QSER1: variants seen among roughly 807,000 people sequenced by gnomAD.
The protein encoded by QSER1 is glutamine and serine rich 1.
QSER1 carries 49 observed loss-of-function variants against 158.5 expected under a neutral mutation model. The observed-to-expected ratio is 0.31, with a 90% confidence interval of 0.25 to 0.39. QSER1 has a LOEUF of 0.39. Among genes scored for constraint, QSER1 ranks in the 10% least tolerant of loss-of-function variants. QSER1 has a pLI of 1.00. For synonymous variants in QSER1, 650 were observed against 715.5 expected (o/e 0.91, Z 1.46); for missense variants, 1,754 against 2,010.3 (o/e 0.87, Z 2.44).
intron 1 of QSER1, among the ~76,000 whole-genome samples, chr11:32,923,669 C>A (rs1429406342): frequency 1.4e-5 from 1 of 72,582 alleles, no homozygotes; most frequent in Admixed American, 2.0e-4. Flanking sequence ...CAGAGTGAGA[C>A]TCTTGTCTCA....
rs1490961492 is a variant in QSER1 at position 32,957,961 on chromosome 11, A to G, written c.4844A>G (p.Lys1615Arg). ...ACAAAAGCCCCTTCCGTGAAACCCA[A>G]AGTTAAACAGCCAAAAGTAAAGGCT... is the stretch of plus-strand genomic sequence containing the variant. ...TTTKAPSVKP[K>R]VKQPKVKAEP... Residue 1615 changes from lysine (K) to arginine (R), a missense_variant, in exon 8 of 13, where the codon AAA becomes AGA. Physicochemically the swap from Lys to Arg is conservative, Grantham distance 26. This residue lies in a region of QSER1 where 1,707 missense variants were observed against 1,919.6 expected (regional missense o/e 0.89). Transcript: ENST00000650167. The G allele has an allele frequency of 2.5e-6, 4 of 1,614,032 alleles. No homozygotes were observed. Among genetic ancestry groups the G allele is most frequent in the South Asian group, 2.2e-5 (2 of 91,082 alleles).
At chr11:32,930,761 A>G (rs1286610437) in intron 3 of QSER1, among the ~76,000 whole-genome samples, 2 of 152,258 alleles carry the variant, frequency 1.3e-5, no homozygotes, top group Admixed American at 1.3e-4. Context: ...ATCTGGTACA[A>G]ATATTTTTGT....
chr11:32,968,969 T>C, intron 9 of QSER1, 77 bp from the exon 10 acceptor site: 1 of 751,412 alleles, frequency 1.3e-6, no homozygotes, highest in Non-Finnish European at 2.1e-6. Context: ...AATATATAAA[T>C]GTTTTGAGAA....
chr11:32,915,974 A>G (rs1229257553), intron 1 of QSER1, among the ~76,000 whole-genome samples: 9 of 151,704 alleles, frequency 5.9e-5, no homozygotes, highest in Admixed American at 2.6e-4. Context: ...CTGGAGTGCA[A>G]TGGTGTGATC....
intron 10 of QSER1, among the ~76,000 whole-genome samples, chr11:32,969,686 C>CTT (rs1321422488): frequency 4.2e-4 from 56 of 134,688 alleles, no homozygotes; most frequent in Non-Finnish European, 6.9e-4. Flanking sequence ...CTTTTCTTTT[C>CTT]TTTTTTTTTT....
chr11:32,900,205 T>C (rs1851606863), intron 1 of QSER1, among the ~76,000 whole-genome samples: 1 of 152,222 alleles, frequency 6.6e-6, no homozygotes, highest in African/African-American at 2.4e-5. Flanking sequence ...AATTAACTTT[T>C]CAAAAGTATA....
intron 1 of QSER1, among the ~76,000 whole-genome samples, chr11:32,900,540 CAG>C (rs1313085417): frequency 6.6e-6 from 1 of 151,812 alleles, no homozygotes; most frequent in African/African-American, 2.4e-5. Context: ...GCCTAGGTGA[CAG>C]AGCAAGACTC....
chr11:32,944,177 A>C (rs1188547701), intron 4 of QSER1, among the ~76,000 whole-genome samples: 1 of 151,870 alleles, frequency 6.6e-6, no homozygotes, highest in Non-Finnish European at 1.5e-5. Context: ...TGATCCTTTC[A>C]AAAAACCAGC....
chr11:32,902,511 A>G lies in QSER1; in HGVS notation c.209+9177A>G, dbSNP rs1851638301. 3.9e-5 allele frequency among the ~76,000 whole-genome samples: 6 copies of G among 152,302 alleles called. No homozygotes were observed. In the South Asian group the frequency reaches 1.2e-3, roughly 32 times the overall value. ...TCTTGACATTCTTATCTCCTTAAAT[A>G]TCATCTCTTCGCAAAGAACTTCCTT... is the stretch of plus-strand genomic sequence containing the variant. On this transcript the variant is annotated intron_variant, in intron 1 of 12. Transcript: ENST00000650167.
At chr11:32,958,655 T>C (rs900793301) in intron 8 of QSER1, among the ~76,000 whole-genome samples, 12 of 152,312 alleles carry the variant, frequency 7.9e-5, no homozygotes, top group Admixed American at 3.3e-4. Context: ...GTGCTGGGAT[T>C]ACGGGCATGA....
At chr11:32,943,478 T>C (rs1032468068) in intron 4 of QSER1, among the ~76,000 whole-genome samples, 44 of 151,884 alleles carry the variant, frequency 2.9e-4, no homozygotes, top group Non-Finnish European at 5.1e-4. Context: ...CTTTTCTGCA[T>C]CTATTGAGAT....
intron 10 of QSER1, among the ~76,000 whole-genome samples, chr11:32,972,632 T>C (rs1564949784): frequency 6.6e-6 from 1 of 151,936 alleles, no homozygotes; most frequent in Non-Finnish European, 1.5e-5. Flanking sequence ...GACAAGGTTT[T>C]GCCATGTTGG....
At chr11:32,950,170 C>T (rs1935434015) in intron 4 of QSER1, among the ~76,000 whole-genome samples, 1 of 152,090 alleles carries the variant, frequency 6.6e-6, no homozygotes, top group Admixed American at 6.6e-5. Context: ...TCTAGGCTCA[C>T]TGCAACCTCC....
At chr11:32,961,013 A>G (rs1852613414) in intron 8 of QSER1, among the ~76,000 whole-genome samples, 1 of 152,226 alleles carries the variant, frequency 6.6e-6, no homozygotes, top group Non-Finnish European at 1.5e-5. Context: ...ATACCAATTC[A>G]AAGTTTTAAA....
chr11:32,946,660 G>T (rs1847571963), intron 4 of QSER1, among the ~76,000 whole-genome samples: 1 of 152,148 alleles, frequency 6.6e-6, no homozygotes, highest in South Asian at 2.1e-4. Flanking sequence ...ATTTAAGTCT[G>T]CAGAGGTTAC....
At chr11:32,961,293 A>G (rs1852619932) in intron 8 of QSER1, among the ~76,000 whole-genome samples, 1 of 152,178 alleles carries the variant, frequency 6.6e-6, no homozygotes, top group South Asian at 2.1e-4. Flanking sequence ...GATACTGACA[A>G]GTAGTAGTTT....
intron 4 of QSER1, among the ~76,000 whole-genome samples, chr11:32,937,804 G>A (rs1182335322): frequency 3.3e-5 from 5 of 152,018 alleles, no homozygotes; most frequent in African/African-American, 4.8e-5. Context: ...ATTGTTTCTT[G>A]GATGTCTCTC....
chr11:32,896,020 G>T (rs570239638), intron 1 of QSER1, among the ~76,000 whole-genome samples: 1 of 152,310 alleles, frequency 6.6e-6, no homozygotes, highest in South Asian at 2.1e-4. Context: ...CAGGGATAAG[G>T]ACTGGCCATA....
chr11:32,965,397 G>A (rs190115849), intron 8 of QSER1, among the ~76,000 whole-genome samples: 67 of 152,122 alleles, frequency 4.4e-4, no homozygotes, highest in African/African-American at 1.4e-3. Flanking sequence ...TTACAGGCAC[G>A]TGCCACTGCA....
Sources: allele counts gnomAD v4.1 joint callset (sites outside exome capture counted in the v4.1 genomes callset), GRCh38; gene constraint gnomAD v4.1.1; regional missense constraint gnomAD v4.1.1; transcripts MANE v1.5; gene names NCBI Gene and HGNC (gene_info 2026-07-23, HGNC 2026-07-21).